OGDH: variants seen among roughly 807,000 people sequenced by gnomAD.
OGDH encodes the protein oxoglutarate dehydrogenase.
OGDH carries 38 observed loss-of-function variants against 116.6 expected under a neutral mutation model. The observed-to-expected ratio is 0.33, with a 90% CI of 0.25 to 0.43. The LOEUF is 0.43. OGDH is among the 20% of genes least tolerant of loss of function. OGDH has a pLI of 1.00. For synonymous variants in OGDH, 488 were observed against 533.3 expected, an observed-to-expected ratio of 0.92 and a Z score of 1.17; for missense variants, 825 against 1,357.2, an observed-to-expected ratio of 0.61 and a Z score of 6.16.
chr7:44,694,841 G>A lies in OGDH; in HGVS notation c.1668+265G>A, dbSNP rs1175808438. Among the ~76,000 whole-genome samples the A allele has an allele frequency of 6.6e-6, 1 of 152,170 alleles. No homozygotes were observed. Among genetic ancestry groups the A allele is most frequent in the Non-Finnish European group, 1.5e-5 (1 of 68,026 alleles). ...GGTTGAGGTAGTAGCAGCCCAGTAG[G>A]TTTTCTCAGATTTCACAAATTGTGC... On this transcript the variant is annotated intron_variant, in intron 12 of 22. Coordinates refer to ENST00000222673, the MANE Select transcript of OGDH (RefSeq NM_002541.4). This position sits in a 1 kb window ranked among gnomAD's most constrained non-coding sequence, Gnocchi z 4.2.
In OGDH at chr7:44,707,899, C is replaced by T. The variant is rs753855534; in HGVS notation, c.2972C>T (p.Ala991Val). The T allele has an allele frequency of 3.1e-6, 5 of 1,613,320 alleles. No individual in the cohort carries two copies. Among genetic ancestry groups the T allele is most frequent in the Non-Finnish European group, 4.2e-6 (5 of 1,179,874 alleles). ...KPVWYAGRDP[A>V]AAPATGNKKT... ...CTCAGGTATGCCGGCCGGGACCCAG[C>T]GGCTGCTCCAGCCACCGGCAACAAG... Residue 991 changes from alanine to valine, a missense_variant, in exon 23 of 23, where the codon GCG (alanine) becomes GTG (valine). Physicochemically the swap from Ala to Val is moderately conservative, Grantham distance 64. Coordinates refer to ENST00000222673, the MANE Select transcript of OGDH (RefSeq NM_002541.4). The surrounding 1 kb of genome is among the most constrained non-coding windows in gnomAD (Gnocchi z 5.2).
intron 20 of OGDH, among the ~76,000 whole-genome samples, chr7:44,703,511 C>T (rs1788934269): frequency 6.6e-6 from 1 of 151,938 alleles, no homozygotes; most frequent in Non-Finnish European, 1.5e-5. Context: ...CTTGAGGTCA[C>T]GAATTTGAGA....
At chr7:44,641,209 CTTT>C (rs781147896) in intron 2 of OGDH, among the ~76,000 whole-genome samples, 152 of 108,618 alleles carry the variant, frequency 1.4e-3, no homozygotes, top group African/African-American at 4.5e-3. Flanking sequence ...CCTTTTTCTT[CTTT>C]TTTTTTTTTT....
intron 10 of OGDH, among the ~76,000 whole-genome samples, chr7:44,692,646 C>CAT (rs1367003728): frequency 6.6e-6 from 1 of 152,166 alleles, no homozygotes; most frequent in Non-Finnish European, 1.5e-5. Context: ...TGAAATATAT[C>CAT]ATAAGATAAA....
Position 44,624,751 on chromosome 7 carries a change from C to T in OGDH, c.222+186C>T, listed in dbSNP as rs374618752. ...GCAGAAGCCATGGTCCCTGGATTGG[C>T]GTCCAGCAGTAGACACTGTGCTTAA... On this transcript the variant is annotated intron_variant, in intron 2 of 22. Transcript: ENST00000222673. 5.6e-4 allele frequency among the ~76,000 whole-genome samples: 86 copies of T among 152,216 alleles called. 1 individual carries two copies. In the South Asian group the frequency reaches 0.018, roughly 31 times the overall value.
At chr7:44,700,985 C>T (rs1389492676) in intron 19 of OGDH, among the ~76,000 whole-genome samples, 1 of 152,230 alleles carries the variant, frequency 6.6e-6, no homozygotes, top group Non-Finnish European at 1.5e-5. Context: ...GATCGCACCA[C>T]TGCACTCCAG....
intron 10 of OGDH, among the ~76,000 whole-genome samples, chr7:44,684,032 G>A (rs1340530236): frequency 2.0e-5 from 3 of 152,184 alleles, no homozygotes; most frequent in Non-Finnish European, 4.4e-5. Context: ...GCAAGATACT[G>A]GGTTAGTCAG....
chr7:44,613,320 C>A lies in OGDH; in HGVS notation c.-28+6667C>A, dbSNP rs552787625. Among the ~76,000 whole-genome samples the A allele has an allele frequency of 2.0e-5, 3 of 152,148 alleles. No homozygotes were observed. The East Asian group carries it at 5.8e-4, about 29-fold the overall frequency. On this transcript the variant is annotated intron_variant, in intron 1 of 22. Transcript: ENST00000222673. Reference sequence around the variant, plus strand: ...CCTCCTGAGTAACTGGGACTATAGGCACCCGCCACCACACCTGGCTGTTTT... The same window carrying A: ...CCTCCTGAGTAACTGGGACTATAGGAACCCGCCACCACACCTGGCTGTTTT...
rs573889068 is a variant in OGDH, at chr7:44,647,668, C to T, written c.426C>T (p.His142=). The change falls in exon 4 of 23, where the codon CAC becomes CAT. Residue 142 remains histidine (H), a synonymous_variant. Coordinates refer to ENST00000222673, the MANE Select transcript of OGDH (RefSeq NM_002541.4). ...TTGGCCACTCATAGATACGAGGGCA[C>T]CATGTAGCACAGCTGGACCCCCTGG... ...SLIRAYQIRG[H]HVAQLDPLGI... 2.5e-6 allele frequency: 4 copies of T among 1,613,698 alleles called. No individual in the cohort carries two copies. The South Asian group carries it at 3.3e-5, about 13-fold the overall frequency.
chr7:44,618,661 G>T (rs1784895545), intron 1 of OGDH, among the ~76,000 whole-genome samples: 1 of 152,162 alleles, frequency 6.6e-6, no homozygotes, highest in African/African-American at 2.4e-5. Context: ...CAATGTTGGG[G>T]TGCTTTAGGC....
intron 9 of OGDH, among the ~76,000 whole-genome samples, chr7:44,680,864 G>A (rs1364408102): frequency 1.3e-5 from 2 of 152,196 alleles, no homozygotes; most frequent in Admixed American, 6.5e-5. Context: ...GAGGCAGCTG[G>A]ACAGAGCTGC....
chr7:44,697,515 C>T lies in OGDH; in HGVS notation c.2179+18C>T. The T allele has an allele frequency of 6.2e-7, 1 of 1,613,862 alleles. No homozygotes were observed. The highest frequency in any genetic ancestry group is 8.5e-7 in the Non-Finnish European group (1 of 1,179,832). On this transcript the variant is annotated intron_variant, in intron 16 of 22. Coordinates refer to ENST00000222673, the MANE Select transcript of OGDH (RefSeq NM_002541.4). The surrounding 1 kb of genome is among the most constrained non-coding windows in gnomAD (Gnocchi z 6.0). ...CGTGCTGGGTGAGTGCCTGGAGCCA[C>T]ACCACCAGGGCCTGTCACCCACCCA...
At position 44,707,365 on chromosome 7, in the gene OGDH, G is replaced by C; in HGVS notation, c.2773G>C (p.Val925Leu). The change falls in exon 21 of 23, where the codon GTG (valine) becomes CTG (leucine). Residue 925 changes from valine (V) to leucine (L), a missense_variant. This residue lies in a region of OGDH where 212 missense variants were observed against 284.3 expected (regional missense o/e 0.75). Coordinates refer to ENST00000222673, the MANE Select transcript of OGDH (RefSeq NM_002541.4). The surrounding 1 kb of genome is among the most constrained non-coding windows in gnomAD (Gnocchi z 5.2). ...ERKARDMVGQ[V>L]AITRIEQLSP... ...CAAAGCACGCGACATGGTGGGGCAG[G>C]TGGCCATCACAAGGATTGAGCAGGT... is the stretch of plus-strand genomic sequence containing the variant. The C allele has an allele frequency of 1.2e-6, 2 of 1,614,260 alleles. No homozygotes were observed. The highest frequency in any genetic ancestry group is 2.2e-5 in the East Asian group (1 of 44,888).
chr7:44,663,901 G>A (rs1287850213), intron 4 of OGDH, among the ~76,000 whole-genome samples: 1 of 151,142 alleles, frequency 6.6e-6, no homozygotes, highest in African/African-American at 2.4e-5. Context: ...GATCAAACCA[G>A]TACACTCCAG....
chr7:44,680,036 C>T (rs1278042696), intron 9 of OGDH, among the ~76,000 whole-genome samples: 1 of 152,116 alleles, frequency 6.6e-6, no homozygotes, highest in Admixed American at 6.5e-5. Flanking sequence ...CATGGTGAAA[C>T]CTCGTGTCTA....
chr7:44,682,983 C>T (rs1051552020), intron 10 of OGDH, among the ~76,000 whole-genome samples: 2 of 152,030 alleles, frequency 1.3e-5, no homozygotes, highest in African/African-American at 2.4e-5. Context: ...CCCGTCTCTA[C>T]TAAAAATACA....
chr7:44,637,809 ACT>A (rs1405524813), intron 2 of OGDH, among the ~76,000 whole-genome samples: 3 of 149,784 alleles, frequency 2.0e-5, no homozygotes, highest in African/African-American at 7.4e-5. Context: ...ATAGAGCCAG[ACT>A]CTGTCTCAAA....
Position 44,654,559 on chromosome 7 carries a change from T to C in OGDH, c.517+6800T>C, listed in dbSNP as rs191927311. ...TATAGAGCAGTTCATTTAGTAAGCA[T>C]TGATTGCTATGTGCAGCGTGCTGTG... is the stretch of plus-strand genomic sequence containing the variant. On this transcript the variant is annotated intron_variant, in intron 4 of 22. Coordinates refer to ENST00000222673, the MANE Select transcript of OGDH (RefSeq NM_002541.4). Among the ~76,000 whole-genome samples, 12 of 152,318 alleles carry C rather than the reference T, an allele frequency of 7.9e-5. No individual in the cohort carries two copies. In the South Asian group the frequency reaches 8.3e-4, roughly 11 times the overall value.
chr7:44,678,575 G>A (rs541912753), intron 9 of OGDH, among the ~76,000 whole-genome samples: 8 of 152,172 alleles, frequency 5.3e-5, no homozygotes, highest in African/African-American at 1.4e-4. Flanking sequence ...AGCTGAGTCC[G>A]AACTGTCAGT....
Sources: allele counts gnomAD v4.1 joint callset (sites outside exome capture counted in the v4.1 genomes callset), GRCh38; gene constraint gnomAD v4.1.1; regional missense constraint gnomAD v4.1.1; non-coding constraint Gnocchi (gnomAD v3.1); transcripts MANE v1.5; gene names NCBI Gene and HGNC (gene_info 2026-07-23, HGNC 2026-07-21).